FAM227B: variants seen among roughly 807,000 people sequenced by gnomAD.
The protein encoded by FAM227B is protein FAM227B.
In FAM227B, 88 loss-of-function variants were observed where a neutral mutation model predicts 73.8. The observed-to-expected ratio is 1.19, with a 90% CI of 1.00 to 1.42. The LOEUF (loss-of-function observed/expected upper bound fraction) is 1.42, where lower values mean the gene tolerates loss of function less well. Among genes scored for constraint, FAM227B ranks in the 40% most tolerant of loss-of-function variants. FAM227B has a pLI of 0.00. For synonymous variants in FAM227B, 210 were observed against 190.5 expected (o/e 1.10, Z -0.84); for missense variants, 632 against 590.9 (o/e 1.07, Z -0.72).
At position 49,505,304 on chromosome 15, in the gene FAM227B, TG is replaced by T. The variant is rs573119559; in HGVS notation, c.1012+2906del. Reference sequence around the variant, plus strand: ...ATAAGGAACTTTTGAGAGAGATAGATGTTTTTTTACCTCGAGTTGTAATGGT... The same window carrying T: ...ATAAGGAACTTTTGAGAGAGATAGATTTTTTTTACCTCGAGTTGTAATGGT... On this transcript the variant is annotated intron_variant, in intron 11 of 15. Transcript: ENST00000299338. Among the ~76,000 whole-genome samples, 159 of 152,262 alleles carry T rather than the reference TG, an allele frequency of 1.0e-3. 1 individual carries two copies. The highest frequency in any genetic ancestry group is 3.7e-3 in the African/African-American group (153 of 41,556).
intron 10 of FAM227B, among the ~76,000 whole-genome samples, chr15:49,511,599 T>C (rs545457557): frequency 6.6e-6 from 1 of 152,254 alleles, no homozygotes; most frequent in East Asian, 1.9e-4. Context: ...TTCTTCCTGA[T>C]GCTCTCCCTC....
chr15:49,357,092 G>A (rs1171702932), intron 13 of FAM227B, among the ~76,000 whole-genome samples: 2 of 151,186 alleles, frequency 1.3e-5, no homozygotes, highest in Non-Finnish European at 3.0e-5. Flanking sequence ...GCAGTGTGTA[G>A]AGGGAAATTT....
chr15:49,539,248 T>C (rs1156306582), intron 10 of FAM227B, among the ~76,000 whole-genome samples: 1 of 152,140 alleles, frequency 6.6e-6, no homozygotes, highest in Non-Finnish European at 1.5e-5. Context: ...CCAAGGCTAG[T>C]GGTGTCTGCA....
In FAM227B at chr15:49,576,770, G is replaced by A. The variant is rs778821824; in HGVS notation, c.517C>T (p.Leu173Phe). The change falls in exon 7 of 16, where the codon CTT becomes TTT. Residue 173 changes from leucine to phenylalanine, a missense_variant. Coordinates refer to ENST00000299338, the MANE Select transcript of FAM227B (RefSeq NM_152647.3). ...AAATTATGGGCTTTTAAAATAAAAA[G>A]ATAAATTTGTTCAGCATCCAAATGT... Reference protein sequence around the residue: ...PRHLDAEQIYLFILKAHNFDE... With the variant: ...PRHLDAEQIYFFILKAHNFDE... The A allele has an allele frequency of 1.2e-6, 2 of 1,606,134 alleles. No individual in the cohort carries two copies. The highest frequency in any genetic ancestry group is 2.7e-5 in the African/African-American group (2 of 74,668).
intron 11 of FAM227B, among the ~76,000 whole-genome samples, chr15:49,412,417 A>G (rs548678415): frequency 1.3e-5 from 2 of 152,222 alleles, no homozygotes; most frequent in African/African-American, 4.8e-5. Flanking sequence ...TTTCAGGAAT[A>G]TGAAAGCAAT....
At chr15:49,606,313 A>T (rs2077518832) in intron 3 of FAM227B, 1 of 152,072 alleles carries the variant, frequency 6.6e-6, no homozygotes, top group Non-Finnish European at 1.5e-5. Context: ...CCATGAGTTC[A>T]CACTGATGCC....
intron 11 of FAM227B, among the ~76,000 whole-genome samples, chr15:49,480,641 C>T (rs1341926097): frequency 1.6e-4 from 24 of 152,018 alleles, no homozygotes; most frequent in Admixed American, 1.6e-3. Flanking sequence ...GCCACCACAC[C>T]CGGATAATTT....
At chr15:49,602,365 T>C (rs1159682453) in intron 3 of FAM227B, among the ~76,000 whole-genome samples, 5 of 140,040 alleles carry the variant, frequency 3.6e-5, no homozygotes, top group Middle Eastern at 3.6e-3. Context: ...TATGTCACTA[T>C]AGTTTAGATT....
In FAM227B at chr15:49,617,571, T is replaced by G. The variant is rs982556124; in HGVS notation, c.-72-2328A>C. Among the ~76,000 whole-genome samples, 10 of 152,176 alleles carry G rather than the reference T, an allele frequency of 6.6e-5. 1 individual carries two copies. Among genetic ancestry groups the G allele is most frequent in the Non-Finnish European group, 1.3e-4 (9 of 68,012 alleles). ...GAAAATGACTTTCAATCTGTAAATT[T>G]AAATATAAACAGAGCATCAATTAAA... On this transcript the variant is annotated intron_variant, in intron 1 of 15. Transcript: ENST00000299338.
intron 10 of FAM227B, among the ~76,000 whole-genome samples, chr15:49,540,408 GT>G (rs2070896086): frequency 6.6e-6 from 1 of 152,128 alleles, no homozygotes; most frequent in Non-Finnish European, 1.5e-5. Context: ...GCAATTATTG[GT>G]TTTTGCTGTA....
chr15:49,379,410 A>T (rs567522402), intron 11 of FAM227B, among the ~76,000 whole-genome samples: 1 of 152,256 alleles, frequency 6.6e-6, no homozygotes, highest in East Asian at 1.9e-4. Context: ...GAATTCAGCT[A>T]TGAGATCCTG....
intron 13 of FAM227B, among the ~76,000 whole-genome samples, chr15:49,350,494 A>G (rs2042084825): frequency 6.6e-6 from 1 of 152,184 alleles, no homozygotes; most frequent in Admixed American, 6.5e-5. Context: ...AAACACTGTT[A>G]AGTTTTTACT....
chr15:49,371,252 T>C (rs2045783664), intron 12 of FAM227B, 50 bp downstream of exon 12: 4 of 1,112,912 alleles, frequency 3.6e-6, no homozygotes, highest in Admixed American at 1.8e-5. Flanking sequence ...TGCAAATATA[T>C]TGCAAATTAA....
At position 49,327,662 on chromosome 15, in the gene FAM227B, A is replaced by G. The variant is rs911647742; in HGVS notation, c.*906T>C. 1.3e-5 allele frequency: 3 copies of G among 229,408 alleles called. No individual in the cohort carries two copies. Among genetic ancestry groups the G allele is most frequent in the Non-Finnish European group, 2.5e-5 (3 of 118,622 alleles). 14.2% of individuals were successfully genotyped at this position (229,408 alleles called of 1,614,324 possible). On this transcript the variant is annotated 3_prime_UTR_variant, in exon 16 of 16. Coordinates refer to ENST00000299338, the MANE Select transcript of FAM227B (RefSeq NM_152647.3). The stretch of plus-strand genomic sequence containing the variant: ...ATACAACTCTTCAAGTGGCTACTTT[A>G]TGGAATCAATATTACAGTGGGTTAT...
chr15:49,611,459 C>T (rs2077911821), intron 2 of FAM227B, among the ~76,000 whole-genome samples, 191 bp from the exon 3 acceptor site: 1 of 152,084 alleles, frequency 6.6e-6, no homozygotes, highest in African/African-American at 2.4e-5. Context: ...AAGTTCTTAG[C>T]CTCCAAACCA....
chr15:49,515,870 T>C (rs1025500388), intron 10 of FAM227B, among the ~76,000 whole-genome samples: 12 of 152,158 alleles, frequency 7.9e-5, no homozygotes, highest in African/African-American at 2.9e-4. Flanking sequence ...TATTTGTTAG[T>C]TGATGTTTGT....
At chr15:49,595,801 T>C (rs1321846005) in intron 3 of FAM227B, among the ~76,000 whole-genome samples, 1 of 151,610 alleles carries the variant, frequency 6.6e-6, no homozygotes, top group Non-Finnish European at 1.5e-5. Context: ...AAGACACACT[T>C]AGAAAAACGC....
intron 11 of FAM227B, among the ~76,000 whole-genome samples, chr15:49,395,410 G>A (rs1431648979): frequency 6.6e-6 from 1 of 152,148 alleles, no homozygotes; most frequent in East Asian, 1.9e-4. Context: ...GAAACAACGG[G>A]CAAGGGAGAG....
chr15:49,392,293 G>C (rs2047264723), intron 11 of FAM227B, among the ~76,000 whole-genome samples: 1 of 152,104 alleles, frequency 6.6e-6, no homozygotes, highest in African/African-American at 2.4e-5. Context: ...CTTGGAGAAG[G>C]ATTGAGTTCT....
Sources: gnomAD v4.1 joint callset for allele counts (sites outside exome capture counted in the v4.1 genomes callset) on GRCh38, gnomAD v4.1.1 for gene constraint, MANE v1.5 for transcripts, NCBI Gene and HGNC (gene_info 2026-07-23, HGNC 2026-07-21) for gene names.